IQUB: variants seen among roughly 807,000 people sequenced by gnomAD.
The protein encoded by IQUB is IQ motif and ubiquitin-like domain-containing protein.
IQUB carries 86 observed loss-of-function variants against 86.4 expected under a neutral mutation model. That is an observed-to-expected ratio of 1.00 (90% CI 0.84 to 1.19). The LOEUF (loss-of-function observed/expected upper bound fraction) is 1.19. Among genes scored for constraint, IQUB ranks in the 50% most tolerant of loss-of-function variants. The probability of loss-of-function intolerance (pLI) is 0.00; values close to 1 mark genes in which losing one functional copy is unlikely to be tolerated. For missense variants in IQUB, 946 were observed against 916.9 expected (o/e 1.03, Z -0.41); for synonymous variants, 289 against 304.5 (o/e 0.95, Z 0.53).
intron 1 of IQUB, among the ~76,000 whole-genome samples, chr7:123,533,659 C>A (rs17146066): frequency 0.065 from 9,875 of 152,158 alleles, 352 homozygotes; most frequent in Non-Finnish European, 0.079. Flanking sequence ...TGATAGAAAA[C>A]AACTGGACAC....
chr7:123,460,815 CCT>C (rs1342247337), intron 11 of IQUB, among the ~76,000 whole-genome samples: 6 of 151,778 alleles, frequency 4.0e-5, no homozygotes, highest in Admixed American at 2.6e-4. Context: ...CAGGCTCCAC[CCT>C]CTCACAGAGC....
chr7:123,488,357 A>AG (rs1334828659), intron 7 of IQUB, among the ~76,000 whole-genome samples: 2 of 150,960 alleles, frequency 1.3e-5, no homozygotes, highest in African/African-American at 4.9e-5. Flanking sequence ...AAGAAAAAAA[A>AG]AAAAAAAGAA....
intron 8 of IQUB, among the ~76,000 whole-genome samples, chr7:123,477,994 A>G (rs1794823014): frequency 6.6e-6 from 1 of 152,204 alleles, no homozygotes; most frequent in South Asian, 2.1e-4. Context: ...TGTTGGTGGG[A>G]GTGTAAACTA....
At chr7:123,453,836 T>C (rs909580824) in intron 12 of IQUB, among the ~76,000 whole-genome samples, 2 of 152,202 alleles carry the variant, frequency 1.3e-5, no homozygotes, top group Admixed American at 6.5e-5. Flanking sequence ...TTTTCTTGTT[T>C]CTCTGTAATT....
chr7:123,486,259 A>T (rs1365106495), intron 7 of IQUB, among the ~76,000 whole-genome samples: 1 of 152,214 alleles, frequency 6.6e-6, no homozygotes, highest in Non-Finnish European at 1.5e-5. Context: ...CCCAACAGTG[A>T]TAATAATGCT....
chr7:123,484,978 C>T (rs1486920153), intron 7 of IQUB, among the ~76,000 whole-genome samples: 2 of 151,960 alleles, frequency 1.3e-5, no homozygotes, highest in Non-Finnish European at 2.9e-5. Flanking sequence ...TGATTTTTAT[C>T]TAATCTGATG....
chr7:123,480,323 C>T (rs1287218546), intron 7 of IQUB, among the ~76,000 whole-genome samples: 2 of 152,028 alleles, frequency 1.3e-5, no homozygotes, highest in Non-Finnish European at 2.9e-5. Context: ...CTTGTCACAA[C>T]GGGTAAAGGT....
intron 10 of IQUB, 88 bp downstream of exon 10, chr7:123,464,745 G>GTGTT (rs1584553699): frequency 1.4e-5 from 11 of 775,054 alleles, no homozygotes; most frequent in Non-Finnish European, 2.2e-5. Flanking sequence ...CCCAAGTAAA[G>GTGTT]TGTTAAAGCA....
intron 7 of IQUB, among the ~76,000 whole-genome samples, chr7:123,486,728 C>A (rs1347507821): frequency 2.0e-5 from 3 of 151,966 alleles, no homozygotes; most frequent in Non-Finnish European, 4.4e-5. Context: ...TTTAATTTGC[C>A]CTTTACTCTC....
intron 8 of IQUB, among the ~76,000 whole-genome samples, chr7:123,478,672 T>C (rs1270927475): frequency 6.6e-6 from 1 of 152,138 alleles, no homozygotes. Flanking sequence ...TGAGGAGGTA[T>C]TAAACAATAG....
At position 123,452,778 on chromosome 7, in the gene IQUB, G is replaced by GTGT. The variant is rs1439173141; in HGVS notation, c.2338_2340dup (p.Thr780dup). 1 of 1,613,276 alleles carries GTGT rather than the reference G, an allele frequency of 6.2e-7. No individual in the cohort carries two copies. The highest frequency in any genetic ancestry group is 1.7e-5 in the Admixed American group (1 of 59,968). On this transcript the variant is annotated inframe_insertion, in exon 13 of 13. Transcript: ENST00000324698. ...GGCCTCTGGGATTCTATAATCTTAG[G>GTGT]TGTTGTGTCTGAGTGATACTTCCAT...
chr7:123,456,226 A>G (rs1029031252), intron 12 of IQUB, among the ~76,000 whole-genome samples: 11 of 152,122 alleles, frequency 7.2e-5, no homozygotes, highest in Non-Finnish European at 1.3e-4. Flanking sequence ...ATACTGCAGT[A>G]ATTTGATTAA....
rs1418327338 is a variant in IQUB, at chr7:123,461,343, C to G, written c.2007+14G>C. On this transcript the variant is annotated intron_variant, in intron 11 of 12. Coordinates refer to ENST00000324698, the MANE Select transcript of IQUB (RefSeq NM_178827.5). ...CAAGCTTCAGCTATAATTGGCACCC[C>G]TTATTGACCATACCTGCATCAAGAA... 6.3e-7 allele frequency: 1 copy of G among 1,592,232 alleles called. No individual in the cohort carries two copies. The highest frequency in any genetic ancestry group is 1.3e-5 in the African/African-American group (1 of 74,228).
chr7:123,518,767 T>G (rs1796766877), intron 1 of IQUB, among the ~76,000 whole-genome samples: 1 of 152,100 alleles, frequency 6.6e-6, no homozygotes, highest in Non-Finnish European at 1.5e-5. Context: ...CTAATTTTTG[T>G]ATGTTTAGTA....
intron 10 of IQUB, among the ~76,000 whole-genome samples, chr7:123,463,601 A>G (rs980351839): frequency 6.6e-6 from 1 of 151,742 alleles, no homozygotes; most frequent in Non-Finnish European, 1.5e-5. Flanking sequence ...AATAAAACAC[A>G]TATCAGTGTT....
At chr7:123,528,614 G>T (rs917795678) in intron 1 of IQUB, among the ~76,000 whole-genome samples, 1 of 152,028 alleles carries the variant, frequency 6.6e-6, no homozygotes, top group Non-Finnish European at 1.5e-5. Flanking sequence ...ACAGAAAAGG[G>T]GTCCTGGTGA....
At chr7:123,523,226 G>C (rs1797000830) in intron 1 of IQUB, among the ~76,000 whole-genome samples, 1 of 132,308 alleles carries the variant, frequency 7.6e-6, no homozygotes, top group South Asian at 2.3e-4. Context: ...CCCAGTAATG[G>C]GATGGCTGGG....
At chr7:123,485,536 T>G (rs758843045) in intron 7 of IQUB, among the ~76,000 whole-genome samples, 1 of 152,146 alleles carries the variant, frequency 6.6e-6, no homozygotes, top group Non-Finnish European at 1.5e-5. Context: ...AATTGGTTCA[T>G]CTGAAAAAAT....
At chr7:123,499,457 T>C (rs149480666) in intron 6 of IQUB, among the ~76,000 whole-genome samples, 91 of 152,216 alleles carry the variant, frequency 6.0e-4, no homozygotes, top group East Asian at 1.4e-3. Flanking sequence ...ATAAGGAAAG[T>C]TGATTACAGA....
Sources: allele counts gnomAD v4.1 joint callset (sites outside exome capture counted in the v4.1 genomes callset), GRCh38; gene constraint gnomAD v4.1.1; transcripts MANE v1.5; gene names NCBI Gene and HGNC (gene_info 2026-07-23, HGNC 2026-07-21).